Variants in DIAPH3 observed in about 807,000 individuals in gnomAD.
DIAPH3 encodes diaphanous related formin 3, also known as protein diaphanous homolog 3.
In DIAPH3, 117 loss-of-function variants were observed where a neutral mutation model predicts 144.3. The observed-to-expected ratio is 0.81, with a 90% CI of 0.70 to 0.95. DIAPH3 has a LOEUF of 0.95. Ranked by LOEUF, DIAPH3 falls within the 40% of genes least tolerant of loss-of-function variation. The pLI is 0.00. For synonymous variants in DIAPH3, 519 were observed against 488.9 expected, an observed-to-expected ratio of 1.06 and a Z score of -0.81; for missense variants, 1,421 against 1,412.7, an observed-to-expected ratio of 1.01 and a Z score of -0.09.
chr13:60,131,661 T>C (rs1172490067), intron 2 of DIAPH3, among the ~76,000 whole-genome samples: 1 of 152,166 alleles, frequency 6.6e-6, no homozygotes. Flanking sequence ...AGAGGGATTA[T>C]TTATGAACAT....
chr13:59,862,098 GA>G (rs1168368519), intron 21 of DIAPH3, among the ~76,000 whole-genome samples: 1 of 152,042 alleles, frequency 6.6e-6, no homozygotes, highest in African/African-American at 2.4e-5. Context: ...GGAAAAGAAA[GA>G]AAAAATACAA....
At chr13:59,970,169 C>T (rs749662612) in intron 16 of DIAPH3, 111 bp from the exon 17 acceptor site, 18 of 512,232 alleles carry the variant, frequency 3.5e-5, no homozygotes, top group South Asian at 7.8e-5. Context: ...TTTATAAAGT[C>T]GTATCTGTAA....
intron 2 of DIAPH3, among the ~76,000 whole-genome samples, chr13:60,114,200 C>G (rs778307397): frequency 9.9e-5 from 14 of 141,194 alleles, no homozygotes; most frequent in Non-Finnish European, 1.7e-4. Flanking sequence ...TTTTTTTTTT[C>G]CTGAAACGAT....
At chr13:59,882,213 T>C (rs564117891) in intron 20 of DIAPH3, among the ~76,000 whole-genome samples, 1 of 152,210 alleles carries the variant, frequency 6.6e-6, no homozygotes, top group South Asian at 2.1e-4. Flanking sequence ...CTCGGCCTCT[T>C]GAGTGGCTGG....
chr13:59,997,180 C>T (rs1003535755), intron 9 of DIAPH3, among the ~76,000 whole-genome samples: 1 of 152,022 alleles, frequency 6.6e-6, no homozygotes, highest in Non-Finnish European at 1.5e-5. Context: ...GCACCCTTTA[C>T]ACACTTCTCT....
chr13:60,009,959 A>G (rs2053133838), intron 8 of DIAPH3, among the ~76,000 whole-genome samples: 1 of 152,290 alleles, frequency 6.6e-6, no homozygotes, highest in South Asian at 2.1e-4. Flanking sequence ...CTTTATCTTT[A>G]TAATTATCTT....
intron 24 of DIAPH3, among the ~76,000 whole-genome samples, chr13:59,825,145 T>A (rs1342917390): frequency 6.6e-6 from 1 of 152,072 alleles, no homozygotes; most frequent in African/African-American, 2.4e-5. Flanking sequence ...CATTAACTCG[T>A]CATTTAGCAT....
chr13:59,947,445 T>C (rs2048857145), intron 17 of DIAPH3, among the ~76,000 whole-genome samples: 1 of 152,184 alleles, frequency 6.6e-6, no homozygotes, highest in Non-Finnish European at 1.5e-5. Context: ...TACTGTACTA[T>C]TTCATGAAAA....
At chr13:60,134,512 A>T (rs891624077) in intron 1 of DIAPH3, among the ~76,000 whole-genome samples, 1 of 152,170 alleles carries the variant, frequency 6.6e-6, no homozygotes, top group Non-Finnish European at 1.5e-5. Flanking sequence ...CAGAGAAAGG[A>T]GCTGGGGCAA....
At chr13:60,140,119 A>G (rs1183157198) in intron 1 of DIAPH3, among the ~76,000 whole-genome samples, 1 of 152,236 alleles carries the variant, frequency 6.6e-6, no homozygotes, top group Non-Finnish European at 1.5e-5. Flanking sequence ...AGAGTGGCTT[A>G]GCATCCTAGA....
At chr13:59,893,856 G>C (rs1242865800) in intron 20 of DIAPH3, among the ~76,000 whole-genome samples, 1 of 151,970 alleles carries the variant, frequency 6.6e-6, no homozygotes, top group Non-Finnish European at 1.5e-5. Flanking sequence ...GTTTTTTGCT[G>C]ATGCCAGGAT....
intron 23 of DIAPH3, chr13:59,837,687 ATATT>A (rs2042110036): frequency 6.6e-6 from 1 of 151,880 alleles, no homozygotes; most frequent in African/African-American, 2.4e-5. Context: ...CTGCAATAAT[ATATT>A]TATTTTAGAA....
At chr13:60,071,831 A>G (rs1347995103) in intron 4 of DIAPH3, among the ~76,000 whole-genome samples, 1 of 151,904 alleles carries the variant, frequency 6.6e-6, no homozygotes, top group Non-Finnish European at 1.5e-5. Context: ...AATCTAATCA[A>G]TCTAATCTAA....
intron 4 of DIAPH3, among the ~76,000 whole-genome samples, chr13:60,079,691 T>C (rs2057487411): frequency 6.6e-6 from 1 of 151,950 alleles, no homozygotes; most frequent in East Asian, 1.9e-4. Context: ...CCACTCCTAC[T>C]CAAAGAAAAG....
chr13:59,791,578 C>T (rs914135038), intron 25 of DIAPH3, among the ~76,000 whole-genome samples: 17 of 152,062 alleles, frequency 1.1e-4, no homozygotes, highest in Non-Finnish European at 7.4e-5. Flanking sequence ...TCATTCTTTC[C>T]ACTATAGACT....
intron 17 of DIAPH3, among the ~76,000 whole-genome samples, chr13:59,926,507 T>C (rs2047761985): frequency 6.6e-6 from 1 of 152,212 alleles, no homozygotes. Context: ...GTATATTTTG[T>C]TTCTACTTTA....
At chr13:59,817,163 T>A (rs1303717641) in intron 24 of DIAPH3, among the ~76,000 whole-genome samples, 1 of 151,870 alleles carries the variant, frequency 6.6e-6, no homozygotes, top group Non-Finnish European at 1.5e-5. Context: ...AACTTGTGCA[T>A]GAAAAAATGT....
chr13:59,788,470 T>A (rs2039148629), intron 25 of DIAPH3, among the ~76,000 whole-genome samples: 1 of 152,068 alleles, frequency 6.6e-6, no homozygotes, highest in Non-Finnish European at 1.5e-5. Flanking sequence ...ATAGCTTTTT[T>A]AAAAAGAAAA....
chr13:59,804,696 C>T (rs551646514), intron 25 of DIAPH3, among the ~76,000 whole-genome samples: 2 of 152,086 alleles, frequency 1.3e-5, no homozygotes, highest in African/African-American at 2.4e-5. Context: ...CCTTCTATAT[C>T]GAGAAATTAC....
Sources: allele counts gnomAD v4.1 joint callset (sites outside exome capture counted in the v4.1 genomes callset), GRCh38; gene constraint gnomAD v4.1.1; transcripts MANE v1.5; gene names NCBI Gene and HGNC (gene_info 2026-07-23, HGNC 2026-07-21).